LRRC45: variants seen among roughly 807,000 people sequenced by gnomAD.
LRRC45 encodes the protein leucine-rich repeat-containing protein 45.
In LRRC45, 73 loss-of-function variants were observed where a neutral mutation model predicts 85.4. The ratio of observed to expected loss-of-function variants is 0.85; its 90% CI spans 0.71 to 1.04. LRRC45 has a LOEUF of 1.04. Ranked by LOEUF, LRRC45 falls within the 50% of genes least tolerant of loss-of-function variation. LRRC45 has a pLI of 0.00. For missense variants in LRRC45, 937 were observed against 883.3 expected, an observed-to-expected ratio of 1.06 and a Z score of -0.77; for synonymous variants, 429 against 386.0, an observed-to-expected ratio of 1.11 and a Z score of -1.31.
intron 1 of LRRC45, 157 bp from the exon 2 acceptor site, chr17:82,024,121 A>G (rs763856538): frequency 4.4e-6 from 4 of 904,800 alleles, no homozygotes; most frequent in Non-Finnish European, 6.5e-6. Context: ...AGGTGTTTCA[A>G]ACATGACTTC....
rs775242277 is a variant in LRRC45, at chr17:82,027,659, CCT to C, written c.834-10_834-9del. ...GGGTTTGGGTTACTCTCTGCACCCT[CCT>C]CTCTGCCCACAGGGCGTCGGCAGCC... On this transcript the variant is annotated splice_polypyrimidine_tract_variant and intron_variant, in intron 7 of 16. Coordinates refer to ENST00000306688, the MANE Select transcript of LRRC45 (RefSeq NM_144999.4). The C allele has an allele frequency of 5.0e-6, 8 of 1,606,386 alleles. No homozygotes were observed. The highest frequency in any genetic ancestry group is 1.1e-5 in the South Asian group (1 of 90,238).
chr17:82,030,021 C>G, intron 14 of LRRC45, 44 bp from the exon 15 acceptor site: 1 of 1,503,084 alleles, frequency 6.7e-7, no homozygotes, highest in African/African-American at 1.4e-5. Flanking sequence ...CAGCTGAGCT[C>G]AGGCTGAGCC....
rs1045864622 is a variant in LRRC45 at position 82,027,929 on chromosome 17, C to T, written c.912-82C>T. 9 of 1,538,002 alleles carry T rather than the reference C, an allele frequency of 5.9e-6. No individual in the cohort carries two copies. The African/African-American group carries it at 8.2e-5, about 14-fold the overall frequency. ...TGCTGGCTGGGGTTGACTAGGTGCC[C>T]AGCAACAGTGAAAGCAGCGAGGCCT... is the stretch of plus-strand genomic sequence containing the variant. On this transcript the variant is annotated intron_variant, in intron 8 of 16. Coordinates refer to ENST00000306688, the MANE Select transcript of LRRC45 (RefSeq NM_144999.4).
Position 82,028,642 on chromosome 17 carries a change from A to C in LRRC45, c.1267A>C (p.Arg423=). The C allele has an allele frequency of 6.2e-7, 1 of 1,612,956 alleles. No homozygotes were observed. The highest frequency in any genetic ancestry group is 8.5e-7 in the Non-Finnish European group (1 of 1,179,952). Residue 423 remains arginine (R), a synonymous_variant, in exon 12 of 17, where the codon AGA becomes CGA. Transcript: ENST00000306688. ...ERLDMEKRRC[R]QSLEDSESLR... is the part of the protein sequence containing the mutation. ...CCTGGACATGGAGAAGAGAAGATGC[A>C]GACAGAGCCTGGAGGACTCCGAAAG...
rs1416856807 is a variant in LRRC45, at chr17:82,030,065, C to A, written c.1495C>A (p.Gln499Lys). ...KAKSQARLEE[Q>K]QRLAHLEDKL... Reference sequence around the variant, plus strand: ...TTCGTGGCGGCCCCTGTGCTCACAGCAACAGCGCCTGGCTCACCTGGAGGA... The same window carrying A: ...TTCGTGGCGGCCCCTGTGCTCACAGAAACAGCGCCTGGCTCACCTGGAGGA... Residue 499 changes from glutamine to lysine, a missense_variant and splice_region_variant, in exon 15 of 17, where the codon CAA becomes AAA. By Grantham distance (53) the Gln-to-Lys change is moderately conservative (BLOSUM62 1). Transcript: ENST00000306688. 1.3e-6 allele frequency: 2 copies of A among 1,543,484 alleles called. No homozygotes were observed. Among genetic ancestry groups the A allele is most frequent in the African/African-American group, 1.4e-5 (1 of 73,002 alleles).
rs2043338350 is a variant in LRRC45 at position 82,023,812 on chromosome 17, G to C, written c.169G>C (p.Glu57Gln). ...GGCCCTGGGCAAGCTGCTGCCGAGG[G>C]AGACGCTGTGCACGGAGCTGGTCCT... ...CRALGKLLPRETLCTELVLSD... is the reference protein window; with the variant it reads ...CRALGKLLPRQTLCTELVLSD... The change falls in exon 1 of 17, where the codon GAG becomes CAG. Residue 57 changes from glutamate to glutamine, a missense_variant. Transcript: ENST00000306688. 1 of 1,570,834 alleles carries C rather than the reference G, an allele frequency of 6.4e-7. No homozygotes were observed. Among genetic ancestry groups the C allele is most frequent in the East Asian group, 2.3e-5 (1 of 42,952 alleles).
In LRRC45 at chr17:82,030,699, T is replaced by G. The variant is rs778899556; in HGVS notation, c.1907T>G (p.Ile636Ser). The part of the protein sequence containing the change: ...REKLRLREAE[I>S]ARIRDEEAQR... ...AAGCTGCGGCTCCGGGAGGCGGAGA[T>G]CGCCCGCATCCGGGACGAGGAGGCC... The change falls in exon 17 of 17, where the codon ATC (isoleucine) becomes AGC (serine). Residue 636 changes from isoleucine to serine, a missense_variant. Physicochemically the swap from Ile to Ser is moderately radical, Grantham distance 142. Transcript: ENST00000306688. 1.3e-6 allele frequency: 2 copies of G among 1,492,798 alleles called. No homozygotes were observed. Among genetic ancestry groups the G allele is most frequent in the Non-Finnish European group, 1.8e-6 (2 of 1,110,972 alleles). The allele number at this position is 1,492,798 out of a possible 1,614,324, so 92.5% of individuals were successfully genotyped here.
Position 82,030,124 on chromosome 17 carries a change from G to T in LRRC45, c.1554G>T (p.Glu518Asp), listed in dbSNP as rs927753937. ...KLRLLAQARD[E>D]AQGACLQQKQ... is the part of the protein sequence containing the mutation. ...GACTGCTGGCGCAGGCACGGGACGA[G>T]GCGCAGGGCGCTTGCCTACAGCAGA... Residue 518 changes from glutamate to aspartate, a missense_variant, in exon 15 of 17, where the codon GAG (glutamate) becomes GAT (aspartate). Coordinates refer to ENST00000306688, the MANE Select transcript of LRRC45 (RefSeq NM_144999.4). 2 of 1,547,794 alleles carry T rather than the reference G, an allele frequency of 1.3e-6. No individual in the cohort carries two copies. The highest frequency in any genetic ancestry group is 1.7e-6 in the Non-Finnish European group (2 of 1,146,962).
chr17:82,029,605 C>A lies in LRRC45; in HGVS notation c.1464C>A (p.Ile488=). The change falls in exon 14 of 17, where the codon ATC becomes ATA. Residue 488 remains isoleucine (I), a synonymous_variant. Transcript: ENST00000306688. ...GTGGCCAGGCTGAGGAGGAGCTGAT[C>A]AAGGCCAAGAGCCAGGCCCGCCTGG... ...SERGQAEEEL[I]KAKSQARLEE... 1.9e-6 allele frequency: 3 copies of A among 1,579,312 alleles called. No homozygotes were observed. Among genetic ancestry groups the A allele is most frequent in the South Asian group, 2.3e-5 (2 of 86,252 alleles).
At position 82,028,319 on chromosome 17, in the gene LRRC45, T is replaced by C; in HGVS notation, c.1125+8T>C. 1 of 1,599,424 alleles carries C rather than the reference T, an allele frequency of 6.3e-7. No homozygotes were observed. On this transcript the variant is annotated splice_region_variant and intron_variant, in intron 10 of 16. Coordinates refer to ENST00000306688, the MANE Select transcript of LRRC45 (RefSeq NM_144999.4). The stretch of plus-strand genomic sequence containing the variant: ...CTGCTTCTGCAAAACCAGGTAGCTG[T>C]GGTGGATGGAGCCAGGGAGCCCAGG...
chr17:82,029,108 C>T lies in LRRC45; in HGVS notation c.1324C>T (p.Arg442Cys), dbSNP rs951234669. The part of the protein sequence containing the change: ...LRIKEVEHMT[R>C]HLEESEKAMQ... Reference sequence around the variant, plus strand: ...CCCTGAGCAGGTGGAGCATATGACCCGTCACCTGGAGGAGAGTGAGAAGGC... The same window carrying T: ...CCCTGAGCAGGTGGAGCATATGACCTGTCACCTGGAGGAGAGTGAGAAGGC... Residue 442 changes from arginine to cysteine, a missense_variant, in exon 13 of 17, where the codon CGT (arginine) becomes TGT (cysteine). Physicochemically the swap from Arg to Cys is radical, Grantham distance 180 (BLOSUM62 -3). Transcript: ENST00000306688. 41 of 1,612,458 alleles carry T rather than the reference C, an allele frequency of 2.5e-5. No individual in the cohort carries two copies. Among genetic ancestry groups the T allele is most frequent in the Admixed American group, 3.3e-5 (2 of 59,986 alleles).
intron 6 of LRRC45, 85 bp downstream of exon 6, chr17:82,027,096 G>A: frequency 8.2e-7 from 1 of 1,214,744 alleles, no homozygotes; most frequent in Non-Finnish European, 1.2e-6. Flanking sequence ...CCCGTGGTCT[G>A]CCCATCTTCC....
In LRRC45 at chr17:82,030,763, C is replaced by A. The variant is rs764447566; in HGVS notation, c.1971C>A (p.Tyr657Ter). ...ASFLQNAVLA[Y>*]VQASPVRTLS... ...TCCTGCAGAACGCCGTCCTGGCTTA[C>A]GTGCAGGCGTCCCCCGTGAGGACCC... Residue 657 changes from tyrosine (Y) to a stop codon, truncating the protein, a stop_gained, in exon 17 of 17, where the codon TAC (tyrosine) becomes TAA (stop). Coordinates refer to ENST00000306688, the MANE Select transcript of LRRC45 (RefSeq NM_144999.4). LOFTEE classifies it high-confidence loss of function. The A allele has an allele frequency of 3.5e-5, 50 of 1,445,196 alleles. No homozygotes were observed. Among genetic ancestry groups the A allele is most frequent in the Non-Finnish European group, 4.4e-5 (48 of 1,083,560 alleles). 89.5% of individuals were successfully genotyped at this position (1,445,196 alleles called of 1,614,324 possible).
chr17:82,023,334 G>A lies in LRRC45; in HGVS notation c.-310G>A, dbSNP rs1297004136. 1.1e-5 allele frequency: 5 copies of A among 459,354 alleles called. No individual in the cohort carries two copies. The highest frequency in any genetic ancestry group is 6.2e-5 in the African/African-American group (3 of 48,270). 28.5% of individuals were successfully genotyped at this position (459,354 alleles called of 1,614,324 possible). A position where few individuals can be genotyped will look rare whatever the true frequency, so the allele number is the denominator to read the frequency against. On this transcript the variant is annotated 5_prime_UTR_variant, in exon 1 of 17. Coordinates refer to ENST00000306688, the MANE Select transcript of LRRC45 (RefSeq NM_144999.4). ...TTCCTGGATACTGAGGCCCCGACGC[G>A]GCTGTCGCGAGGGCGGGGGTCGGGG...
Position 82,030,658 on chromosome 17 carries a change from C to A in LRRC45, c.1866C>A (p.Asn622Lys). The change falls in exon 17 of 17, where the codon AAC becomes AAA. Residue 622 changes from asparagine to lysine, a missense_variant. Transcript: ENST00000306688. ...CGCTGCTGGACAGGGAGAGCGAGAA[C>A]GCGTCTCTCCGGGAGAAGCTGCGGC... Reference protein sequence around the residue: ...REALLDRESENASLREKLRLR... With the variant: ...REALLDRESEKASLREKLRLR... The A allele has an allele frequency of 7.0e-7, 1 of 1,433,280 alleles. No individual in the cohort carries two copies. The highest frequency in any genetic ancestry group is 9.2e-7 in the Non-Finnish European group (1 of 1,085,124). The allele number at this position is 1,433,280 out of a possible 1,614,324, so 88.8% of individuals were successfully genotyped here.
At chr17:82,025,201 A>G in intron 4 of LRRC45, 23 bp downstream of exon 4, 1 of 1,569,492 alleles carries the variant, frequency 6.4e-7, no homozygotes, top group Non-Finnish European at 8.7e-7. Flanking sequence ...AGGCGCCCTC[A>G]GGCTCCCTCA....
rs759257336 is a variant in LRRC45 at position 82,029,662 on chromosome 17, C to T, written c.1494+27C>T. On this transcript the variant is annotated intron_variant, in intron 14 of 16. Coordinates refer to ENST00000306688, the MANE Select transcript of LRRC45 (RefSeq NM_144999.4). ...TGAGCCACACATGTCCGCCACCCTC[C>T]GGGGGAGCCAGGCTGCCCGGCATTG... 16 of 1,549,484 alleles carry T rather than the reference C, an allele frequency of 1.0e-5. 1 individual carries two copies. The highest frequency in any genetic ancestry group is 2.1e-4 in the Middle Eastern group (1 of 4,776).
intron 4 of LRRC45, 63 bp downstream of exon 4, chr17:82,025,241 G>A: frequency 2.6e-6 from 4 of 1,539,028 alleles, no homozygotes; most frequent in East Asian, 4.6e-5. Context: ...GCTCTGGGAA[G>A]TGAGGGGCTA....
chr17:82,024,145 T>G, intron 1 of LRRC45, 133 bp from the exon 2 acceptor site: 3 of 1,073,480 alleles, frequency 2.8e-6, no homozygotes, highest in African/African-American at 3.2e-5. Context: ...GCGAGACTCT[T>G]GGCCAGCGCC....
Sources: gnomAD v4.1 joint callset for allele counts on GRCh38, gnomAD v4.1.1 for gene constraint, MANE v1.5 for transcripts, NCBI Gene and HGNC (gene_info 2026-07-23, HGNC 2026-07-21) for gene names.